RBFOX3: variants seen among roughly 807,000 people sequenced by gnomAD.
RBFOX3 encodes the protein RNA binding protein fox-1 homolog 3.
A neutral mutation model predicts 48.7 loss-of-function variants in RBFOX3; 17 were observed. That is an observed-to-expected ratio of 0.35 (90% CI 0.24 to 0.52). RBFOX3 has a LOEUF of 0.52. Among genes scored for constraint, RBFOX3 ranks in the 20% least tolerant of loss-of-function variants. The pLI, the probability that RBFOX3 is intolerant of heterozygous loss-of-function variation, is 0.94. For missense variants in RBFOX3, 382 were observed against 497.5 expected (o/e 0.77, Z 2.21); for synonymous variants, 212 against 209.5 (o/e 1.01, Z -0.10).
chr17:79,353,582 T>C (rs1363349498), intron 2 of RBFOX3, among the ~76,000 whole-genome samples: 2 of 152,236 alleles, frequency 1.3e-5, no homozygotes, highest in African/African-American at 4.8e-5. Context: ...ATGCAGATGC[T>C]GCAGTGAAGC....
intron 4 of RBFOX3, among the ~76,000 whole-genome samples, chr17:79,146,103 A>C (rs72855086): frequency 0.3 from 45,947 of 152,010 alleles, 7,159 homozygotes; most frequent in Non-Finnish European, 0.31. Flanking sequence ...TCAGGTGGTC[A>C]CGGCAGCGAT....
intron 2 of RBFOX3, among the ~76,000 whole-genome samples, chr17:79,407,275 C>T (rs376845976): frequency 3.9e-5 from 6 of 152,306 alleles, no homozygotes; most frequent in East Asian, 3.9e-4. Context: ...CCCAAAGTGC[C>T]GGGATTACAG....
chr17:79,106,133 G>T (rs115528550), intron 6 of RBFOX3, among the ~76,000 whole-genome samples: 1,775 of 152,108 alleles, frequency 0.012, 30 homozygotes, highest in African/African-American at 0.04. Flanking sequence ...CCACCTGGGG[G>T]CCCGGGGGAC....
At chr17:79,476,681 G>A (rs2077812149) in intron 2 of RBFOX3, among the ~76,000 whole-genome samples, 1 of 152,172 alleles carries the variant, frequency 6.6e-6, no homozygotes, top group African/African-American at 2.4e-5. Context: ...AGTGGTGACT[G>A]CCAAGTCACC....
chr17:79,517,970 A>G (rs1467091364), intron 1 of RBFOX3, among the ~76,000 whole-genome samples: 7 of 152,160 alleles, frequency 4.6e-5, no homozygotes, highest in African/African-American at 1.7e-4. Flanking sequence ...AGCCGGAGAA[A>G]CCGAACGAGA....
intron 3 of RBFOX3, among the ~76,000 whole-genome samples, chr17:79,285,677 G>C (rs1437106091): frequency 6.7e-6 from 1 of 148,744 alleles, no homozygotes; most frequent in Admixed American, 6.7e-5. Flanking sequence ...TTCATGCATT[G>C]GTTTTTGTTT....
chr17:79,208,007 A>G (rs75016134), intron 4 of RBFOX3, among the ~76,000 whole-genome samples: 4,062 of 152,190 alleles, frequency 0.027, 127 homozygotes, highest in East Asian at 0.17. Context: ...GGGCTGGGTG[A>G]AAGGTGGCCC....
At chr17:79,349,842 G>A (rs956143170) in intron 2 of RBFOX3, among the ~76,000 whole-genome samples, 8 of 151,772 alleles carry the variant, frequency 5.3e-5, no homozygotes, top group African/African-American at 1.9e-4. Context: ...GTGATCACCA[G>A]GACGGAATGG....
chr17:79,367,101 C>T (rs1430429728), intron 2 of RBFOX3, among the ~76,000 whole-genome samples: 1 of 152,166 alleles, frequency 6.6e-6, no homozygotes, highest in African/African-American at 2.4e-5. Flanking sequence ...GCCCTCGCTC[C>T]CACATGAGTG....
intron 12 of RBFOX3, among the ~76,000 whole-genome samples, chr17:79,096,073 G>A (rs542643202): frequency 1.8e-4 from 27 of 152,330 alleles, no homozygotes; most frequent in Non-Finnish European, 2.8e-4. Context: ...CGTGAGCTCA[G>A]ATGATGTCCT....
At chr17:79,263,401 G>A (rs1309717948) in intron 3 of RBFOX3, among the ~76,000 whole-genome samples, 2 of 152,236 alleles carry the variant, frequency 1.3e-5, no homozygotes, top group Admixed American at 6.5e-5. Context: ...TGTTTGGAAC[G>A]CTGGAAGGCA....
intron 1 of RBFOX3, among the ~76,000 whole-genome samples, chr17:79,514,816 T>G (rs1599014179): frequency 6.6e-6 from 1 of 152,196 alleles, no homozygotes; most frequent in Non-Finnish European, 1.5e-5. Flanking sequence ...GCCCAGTGCA[T>G]GTGAACGTCC....
At chr17:79,275,458 C>CA (rs2068610031) in intron 3 of RBFOX3, among the ~76,000 whole-genome samples, 1 of 152,184 alleles carries the variant, frequency 6.6e-6, no homozygotes, top group Non-Finnish European at 1.5e-5. Flanking sequence ...ATGGTCCCCC[C>CA]CCAACCTCCA....
chr17:79,289,845 C>T (rs995780450), intron 3 of RBFOX3, among the ~76,000 whole-genome samples: 2 of 152,234 alleles, frequency 1.3e-5, no homozygotes, highest in Admixed American at 6.5e-5. Context: ...CTGTAGTGAA[C>T]ATGACATCAA....
intron 1 of RBFOX3, among the ~76,000 whole-genome samples, chr17:79,499,564 C>T (rs1174786819): frequency 1.3e-5 from 2 of 152,226 alleles, no homozygotes; most frequent in African/African-American, 4.8e-5. Flanking sequence ...ACTACAAAGC[C>T]TGAAATGTGA....
Position 79,470,326 on chromosome 17 carries a change from G to T in RBFOX3, c.-175+12128C>A, listed in dbSNP as rs531824144. On this transcript the variant is annotated intron_variant, in intron 2 of 14. Transcript: ENST00000693108. Reference sequence around the variant, plus strand: ...GTGTGTCCACTCTGCTGGACAGAGGGGAAAGAGTAAAGACTGTCAACAGCA... The same window carrying T: ...GTGTGTCCACTCTGCTGGACAGAGGTGAAAGAGTAAAGACTGTCAACAGCA... 9.0e-3 allele frequency among the ~76,000 whole-genome samples: 1,369 copies of T among 152,292 alleles called. 17 individuals are homozygous for T. The highest frequency in any genetic ancestry group is 0.031 in the African/African-American group (1,304 of 41,550).
intron 2 of RBFOX3, among the ~76,000 whole-genome samples, chr17:79,439,047 G>A (rs886347846): frequency 2.6e-5 from 4 of 152,274 alleles, no homozygotes; most frequent in African/African-American, 2.4e-5. Context: ...ATTTTCTCCC[G>A]GCAGAATCCC....
chr17:79,139,238 C>T (rs2041388836), intron 4 of RBFOX3, among the ~76,000 whole-genome samples: 1 of 151,736 alleles, frequency 6.6e-6, no homozygotes, highest in African/African-American at 2.4e-5. Flanking sequence ...AACACAGGGC[C>T]CCCCCCACCC....
intron 3 of RBFOX3, among the ~76,000 whole-genome samples, chr17:79,276,156 C>T (rs562494903): frequency 1.3e-5 from 2 of 152,316 alleles, no homozygotes; most frequent in South Asian, 2.1e-4. Context: ...TCACGTGACA[C>T]GTCTGGAGCA....
Sources: gnomAD v4.1 joint callset for allele counts (sites outside exome capture counted in the v4.1 genomes callset) on GRCh38, gnomAD v4.1.1 for gene constraint, MANE v1.5 for transcripts, NCBI Gene and HGNC (gene_info 2026-07-23, HGNC 2026-07-21) for gene names.